Variants in PCDHGA8 observed in about 807,000 individuals in gnomAD.
The protein encoded by PCDHGA8 is protocadherin gamma subfamily A, 8.
Under a neutral mutation model 59.2 loss-of-function variants are expected in PCDHGA8, and 45 were observed. The ratio of observed to expected loss-of-function variants is 0.76; its 90% CI spans 0.60 to 0.98. The LOEUF (loss-of-function observed/expected upper bound fraction) is 0.98. PCDHGA8 is among the 50% of genes least tolerant of loss of function. The probability of loss-of-function intolerance (pLI) is 0.00; values close to 1 mark genes in which losing one functional copy is unlikely to be tolerated. For synonymous variants in PCDHGA8, 531 were observed against 519.0 expected, an observed-to-expected ratio of 1.02 and a Z score of -0.32; for missense variants, 1,257 against 1,196.2, an observed-to-expected ratio of 1.05 and a Z score of -0.75.
rs200900873 is a variant in PCDHGA8 at position 141,510,902 on chromosome 5, G to A, written c.2573-45G>A. On this transcript the variant is annotated intron_variant, in intron 3 of 3. Transcript: ENST00000398604. ...GGGGATATAAGACAGTGACTGTTGAGGACCCTAAGTTTAGCTCCCACCTGA... is the reference window on the plus strand; with the variant it reads ...GGGGATATAAGACAGTGACTGTTGAAGACCCTAAGTTTAGCTCCCACCTGA... The A allele has an allele frequency of 1.5e-3, 2,449 of 1,613,462 alleles. 7 individuals carry two copies. The highest frequency in any genetic ancestry group is 1.9e-3 in the Non-Finnish European group (2,206 of 1,179,758).
chr5:141,403,634 A>T, intron 1 of PCDHGA8: 1 of 1,613,920 alleles, frequency 6.2e-7, no homozygotes, highest in Non-Finnish European at 8.5e-7. Flanking sequence ...CACAGTGCGC[A>T]TCCATGTGAC....
chr5:141,510,984 C>G lies in PCDHGA8; in HGVS notation c.2610C>G (p.Ala870=). ...ADGSSTLGGG[A]GTMGLSARYG... ...GGAGCTCCACCCTGGGAGGGGGTGC[C>G]GGCACCATGGGATTGAGCGCCCGCT... The change falls in exon 4 of 4, where the codon GCC becomes GCG. Residue 870 remains alanine (A), a synonymous_variant. Transcript: ENST00000398604. The G allele has an allele frequency of 1.2e-6, 2 of 1,614,162 alleles. No homozygotes were observed. The highest frequency in any genetic ancestry group is 1.7e-6 in the Non-Finnish European group (2 of 1,180,012).
chr5:141,449,588 CAAA>C (rs768743917), intron 1 of PCDHGA8, among the ~76,000 whole-genome samples: 1 of 57,486 alleles, frequency 1.7e-5, no homozygotes, highest in Non-Finnish European at 3.7e-5. Context: ...GACTCTGTCT[CAAA>C]AAAAAAAAAA....
chr5:141,443,308 C>T (rs1484035480), intron 1 of PCDHGA8, among the ~76,000 whole-genome samples: 7 of 136,252 alleles, frequency 5.1e-5, no homozygotes, highest in African/African-American at 2.2e-4. Context: ...TGGCAAAAAC[C>T]CATCTCTACA....
Position 141,418,145 on chromosome 5 carries a change from T to C in PCDHGA8, c.2424+22908T>C, listed in dbSNP as rs1329322927. On this transcript the variant is annotated intron_variant, in intron 1 of 3. Coordinates refer to ENST00000398604, the MANE Select transcript of PCDHGA8 (RefSeq NM_032088.2). ...GGACCGAATAGACCGTGAGCAAATATGCAAAGAGAGAAGAAGATGTGAGTT... is the reference window on the plus strand; with the variant it reads ...GGACCGAATAGACCGTGAGCAAATACGCAAAGAGAGAAGAAGATGTGAGTT... The C allele has an allele frequency of 5.6e-6, 9 of 1,613,934 alleles. No homozygotes were observed. In the African/African-American group the frequency reaches 8.0e-5, roughly 14 times the overall value.
At chr5:141,428,290 C>A in intron 1 of PCDHGA8, 1 of 726,802 alleles carries the variant, frequency 1.4e-6, no homozygotes, top group Non-Finnish European at 2.4e-6. Context: ...CCAAGCAAAG[C>A]TGCAGATTTA....
intron 1 of PCDHGA8, chr5:141,398,937 C>G: frequency 6.2e-7 from 1 of 1,613,902 alleles, no homozygotes; most frequent in Non-Finnish European, 8.5e-7. Context: ...CTGACCAAGA[C>G]GAGGGCATCA....
intron 1 of PCDHGA8, chr5:141,428,221 G>A (rs1314522513): frequency 5.9e-6 from 7 of 1,177,278 alleles, no homozygotes; most frequent in Non-Finnish European, 8.6e-6. Context: ...CCTAGTCTTC[G>A]CAGACAGCCT....
chr5:141,413,909 T>A (rs772084941), intron 1 of PCDHGA8: 1 of 1,613,316 alleles, frequency 6.2e-7, no homozygotes. Flanking sequence ...AACGCGCCGG[T>A]CTTCACCTTG....
At chr5:141,408,683 G>C in intron 1 of PCDHGA8, 2 of 1,613,906 alleles carry the variant, frequency 1.2e-6, no homozygotes, top group Non-Finnish European at 1.7e-6. Flanking sequence ...CACGGATCCT[G>C]ATATAAACAT....
At chr5:141,410,060 G>C in intron 1 of PCDHGA8, 1 of 1,613,108 alleles carries the variant, frequency 6.2e-7, no homozygotes, top group Non-Finnish European at 8.5e-7. Flanking sequence ...CTTCAGCCTG[G>C]GGCTGCGCAC....
At chr5:141,407,286 T>A (rs1409712341) in intron 1 of PCDHGA8, among the ~76,000 whole-genome samples, 1 of 152,234 alleles carries the variant, frequency 6.6e-6, no homozygotes, top group Non-Finnish European at 1.5e-5. Flanking sequence ...TTGTTACAAT[T>A]TCTGTTCTGA....
intron 3 of PCDHGA8, among the ~76,000 whole-genome samples, chr5:141,510,691 T>C (rs1013489554): frequency 4.6e-5 from 7 of 152,138 alleles, no homozygotes; most frequent in African/African-American, 1.7e-4. Flanking sequence ...GGAGGTTAGG[T>C]AGACTTGCCC....
chr5:141,477,087 C>T lies in PCDHGA8; in HGVS notation c.2425-17720C>T, dbSNP rs748424193. ...AAACTCCATGAGATTTACATCCAGG[C>T]CAAAGACAAGGGCGCCAATCCCGAA... On this transcript the variant is annotated intron_variant, in intron 1 of 3. Coordinates refer to ENST00000398604, the MANE Select transcript of PCDHGA8 (RefSeq NM_032088.2). The surrounding 1 kb of genome is among the most constrained non-coding windows in gnomAD (Gnocchi z 4.9). The T allele has an allele frequency of 1.2e-6, 2 of 1,614,244 alleles. No individual in the cohort carries two copies. Among genetic ancestry groups the T allele is most frequent in the Admixed American group, 3.3e-5 (2 of 60,032 alleles).
intron 1 of PCDHGA8, among the ~76,000 whole-genome samples, chr5:141,443,156 A>G (rs1059029): frequency 0.29 from 44,047 of 151,812 alleles, 7,376 homozygotes; most frequent in African/African-American, 0.47. Flanking sequence ...ACTGCATTTT[A>G]TTTCCCTACC....
At chr5:141,413,873 G>A (rs544856148) in intron 1 of PCDHGA8, 4 of 1,613,372 alleles carry the variant, frequency 2.5e-6, no homozygotes, top group Admixed American at 1.7e-5. Context: ...GTCCTTGTCA[G>A]TGTGACTGTC....
chr5:141,433,220 T>A (rs781745522), intron 1 of PCDHGA8: 2 of 1,509,720 alleles, frequency 1.3e-6, no homozygotes, highest in Non-Finnish European at 1.8e-6. Flanking sequence ...TTTTTTTTTT[T>A]AATTGCTCTG....
intron 1 of PCDHGA8, among the ~76,000 whole-genome samples, chr5:141,448,712 G>A (rs1439461223): frequency 1.3e-5 from 2 of 152,004 alleles, no homozygotes; most frequent in African/African-American, 2.4e-5. Flanking sequence ...AGGCCGAGGC[G>A]GGAGGATCAC....
intron 1 of PCDHGA8, chr5:141,413,176 A>T: frequency 6.2e-7 from 1 of 1,601,892 alleles, no homozygotes; most frequent in Non-Finnish European, 8.5e-7. Context: ...CCAGACTACA[A>T]TGGCCGCTCA....
Sources: allele counts gnomAD v4.1 joint callset (sites outside exome capture counted in the v4.1 genomes callset), GRCh38; gene constraint gnomAD v4.1.1; non-coding constraint Gnocchi (gnomAD v3.1); transcripts MANE v1.5; gene names NCBI Gene and HGNC (gene_info 2026-07-23, HGNC 2026-07-21).